The following TMEM71 variants were observed in gnomAD, a reference collection of about 807,000 sequenced individuals.
TMEM71 encodes transmembrane protein 71.
TMEM71 carries 44 observed loss-of-function variants against 38.0 expected under a neutral mutation model. The ratio of observed to expected loss-of-function variants is 1.16; its 90% CI spans 0.91 to 1.49. The LOEUF (loss-of-function observed/expected upper bound fraction) is 1.49, where lower values mean the gene tolerates loss of function less well. TMEM71 is among the 40% of genes most tolerant of loss of function. The pLI, the probability that TMEM71 is intolerant of heterozygous loss-of-function variation, is 0.00. For synonymous variants in TMEM71, 133 were observed against 122.5 expected (o/e 1.09, Z -0.56); for missense variants, 367 against 348.6 (o/e 1.05, Z -0.42).
At chr8:132,712,875 C>T (rs1367071709) in intron 9 of TMEM71, among the ~76,000 whole-genome samples, 1 of 151,912 alleles carries the variant, frequency 6.6e-6, no homozygotes, top group East Asian at 1.9e-4. Context: ...GACAAATTCT[C>T]TCTCTGTAGC....
intron 5 of TMEM71, among the ~76,000 whole-genome samples, chr8:132,745,233 A>C: frequency 6.6e-6 from 1 of 152,226 alleles, no homozygotes; most frequent in East Asian, 1.9e-4. Flanking sequence ...AACAAGAGTA[A>C]ATATACAACC....
intron 5 of TMEM71, among the ~76,000 whole-genome samples, chr8:132,738,858 GCA>G (rs10531257): frequency 0.33 from 49,247 of 150,446 alleles, 9,849 homozygotes; most frequent in South Asian, 0.5. Context: ...AGTATTACAT[GCA>G]CACACACACA....
intron 2 of TMEM71, 190 bp downstream of exon 2, chr8:132,758,650 A>G (rs1829164863): frequency 5.4e-6 from 3 of 552,508 alleles, no homozygotes; most frequent in Admixed American, 3.6e-5. Context: ...AGAAGGAAAA[A>G]TACCACATTT....
intron 4 of TMEM71, among the ~76,000 whole-genome samples, chr8:132,748,780 A>G (rs1480808961): frequency 1.3e-5 from 2 of 152,230 alleles, no homozygotes; most frequent in Admixed American, 1.3e-4. Context: ...CATCTTTAAC[A>G]TCAAGAATAT....
chr8:132,774,859 A>G, the TMEM71 span, among the ~76,000 whole-genome samples: 1 of 152,218 alleles, frequency 6.6e-6, no homozygotes, highest in African/African-American at 2.4e-5. Context: ...TCGTCTTTGT[A>G]TTGTAAAGAT....
intron 5 of TMEM71, among the ~76,000 whole-genome samples, chr8:132,729,667 G>A (rs1456662174): frequency 2.0e-5 from 3 of 152,174 alleles, no homozygotes; most frequent in African/African-American, 7.2e-5. Context: ...TGTGGACAAA[G>A]CTGCCAAAAG....
Position 132,758,932 on chromosome 8 carries a change from A to T in TMEM71, c.-36-17T>A. The T allele has an allele frequency of 6.6e-7, 1 of 1,524,668 alleles. No homozygotes were observed. The highest frequency in any genetic ancestry group is 9.1e-7 in the Non-Finnish European group (1 of 1,099,580). The allele number at this position is 1,524,668 out of a possible 1,614,324, so 94.4% of individuals were successfully genotyped here. On this transcript the variant is annotated splice_polypyrimidine_tract_variant and intron_variant, in intron 1 of 9. Transcript: ENST00000677595. ...ACAGATTCTCTGCAAAAGATGTTAA[A>T]AAAAAGGTGGACTATATATTAAAAA...
chr8:132,768,066 G>C, the TMEM71 span, among the ~76,000 whole-genome samples: 1 of 152,128 alleles, frequency 6.6e-6, no homozygotes, highest in African/African-American at 2.4e-5. Context: ...GATGTACTAA[G>C]AAAGGACACA....
chr8:132,707,698 T>C (rs1411801953), downstream of TMEM71, among the ~76,000 whole-genome samples: 2 of 152,214 alleles, frequency 1.3e-5, no homozygotes, highest in Admixed American at 6.5e-5. Flanking sequence ...GTGAGAAATA[T>C]GTTTCTTTTT....
chr8:132,709,133 C>T (rs575172964), downstream of TMEM71, among the ~76,000 whole-genome samples: 1 of 152,288 alleles, frequency 6.6e-6, no homozygotes, highest in South Asian at 2.1e-4. Flanking sequence ...AATCAAATGA[C>T]TCTGTAGAAA....
chr8:132,758,621 T>G (rs1829162240), intron 2 of TMEM71: 1 of 499,786 alleles, frequency 2.0e-6, no homozygotes, highest in South Asian at 2.7e-5. Flanking sequence ...AAAAAAACGG[T>G]GATTTTTTTT....
the TMEM71 span, among the ~76,000 whole-genome samples, chr8:132,772,521 T>C: frequency 9.8e-5 from 15 of 152,308 alleles, no homozygotes; most frequent in East Asian, 2.9e-3. Flanking sequence ...GATCCTGACC[T>C]TTGACTCTAT....
chr8:132,770,896 T>A, the TMEM71 span, among the ~76,000 whole-genome samples: 1 of 152,190 alleles, frequency 6.6e-6, no homozygotes, highest in African/African-American at 2.4e-5. Flanking sequence ...GTGTTGCATT[T>A]TAACAGACCA....
chr8:132,768,321 A>G, the TMEM71 span, among the ~76,000 whole-genome samples: 4 of 152,112 alleles, frequency 2.6e-5, no homozygotes, highest in East Asian at 7.7e-4. Context: ...TTTGGTCACA[A>G]ATATTTACAT....
At chr8:132,774,687 T>C in the TMEM71 span, among the ~76,000 whole-genome samples, 11 of 152,400 alleles carry the variant, frequency 7.2e-5, no homozygotes, top group African/African-American at 2.6e-4. Flanking sequence ...ACAGCAAGGA[T>C]ACTGTCTCCT....
At chr8:132,723,405 G>C (rs1826958124) in intron 6 of TMEM71, among the ~76,000 whole-genome samples, 1 of 152,170 alleles carries the variant, frequency 6.6e-6, no homozygotes, top group Non-Finnish European at 1.5e-5. Flanking sequence ...AAAGATATGA[G>C]TTGTGTGATT....
chr8:132,748,851 C>A (rs1328949022), intron 4 of TMEM71, among the ~76,000 whole-genome samples: 1 of 152,118 alleles, frequency 6.6e-6, no homozygotes, highest in Non-Finnish European at 1.5e-5. Context: ...AAAGTCAGAC[C>A]ATCTGAGCTG....
At chr8:132,754,757 T>A (rs928020327) in intron 3 of TMEM71, among the ~76,000 whole-genome samples, 3 of 152,232 alleles carry the variant, frequency 2.0e-5, no homozygotes, top group Non-Finnish European at 4.4e-5. Flanking sequence ...ATTTACATGA[T>A]GTCATACAAA....
At chr8:132,712,514 C>T (rs1021227034) in intron 9 of TMEM71, among the ~76,000 whole-genome samples, 1 of 152,140 alleles carries the variant, frequency 6.6e-6, no homozygotes, top group Non-Finnish European at 1.5e-5. Flanking sequence ...CCTCCTTGTG[C>T]TCCCCCTGGC....
Sources: allele counts gnomAD v4.1 joint callset (sites outside exome capture counted in the v4.1 genomes callset), GRCh38; gene constraint gnomAD v4.1.1; transcripts MANE v1.5; gene names NCBI Gene and HGNC (gene_info 2026-07-23, HGNC 2026-07-21).